ANKS1B: variants seen among roughly 807,000 people sequenced by gnomAD.
The protein encoded by ANKS1B is ankyrin repeat and sterile alpha motif domain containing 1B.
ANKS1B carries 36 observed loss-of-function variants against 148.3 expected under a neutral mutation model. The ratio of observed to expected loss-of-function variants is 0.24; its 90% CI spans 0.19 to 0.32. The LOEUF is 0.32. ANKS1B is among the 10% of genes least tolerant of loss of function. The probability of loss-of-function intolerance (pLI) is 1.00; values close to 1 mark genes in which losing one functional copy is unlikely to be tolerated. For synonymous variants in ANKS1B, 542 were observed against 560.8 expected (o/e 0.97, Z 0.47); for missense variants, 1,157 against 1,542.6 (o/e 0.75, Z 4.19).
intron 17 of ANKS1B, among the ~76,000 whole-genome samples, chr12:98,894,013 C>G (rs2099758141): frequency 6.6e-6 from 1 of 152,218 alleles, no homozygotes; most frequent in Non-Finnish European, 1.5e-5. Flanking sequence ...GAAACACTGA[C>G]CCGACCTTCA....
intron 12 of ANKS1B, among the ~76,000 whole-genome samples, chr12:99,374,644 T>C (rs566088345): frequency 1.3e-5 from 2 of 152,330 alleles, no homozygotes; most frequent in East Asian, 3.9e-4. Context: ...GGTGATGTTT[T>C]AGTAACCAGA....
chr12:99,558,539 G>A (rs1248041914), intron 9 of ANKS1B, among the ~76,000 whole-genome samples: 1 of 152,164 alleles, frequency 6.6e-6, no homozygotes, highest in African/African-American at 2.4e-5. Flanking sequence ...TGAGGTTGTA[G>A]GTGGGTTGGT....
In ANKS1B at chr12:99,120,392, GTTTCT is replaced by G. The variant is rs899210744; in HGVS notation, c.2526+33892_2526+33896del. On this transcript the variant is annotated intron_variant, in intron 15 of 26. Transcript: ENST00000683438. ...ACTACACATGCCATTATTTCAGTAT[GTTTCT>G]TTTCTTGTTTGATCTCATTCATTTG... Among the ~76,000 whole-genome samples, 5 of 152,134 alleles carry G rather than the reference GTTTCT, an allele frequency of 3.3e-5. No homozygotes were observed. In the East Asian group the frequency reaches 9.6e-4, roughly 29 times the overall value.
At chr12:99,846,463 C>G (rs1197368760) in intron 1 of ANKS1B, among the ~76,000 whole-genome samples, 1 of 152,064 alleles carries the variant, frequency 6.6e-6, no homozygotes, top group East Asian at 1.9e-4. Flanking sequence ...ACATAACTTG[C>G]ATCTTTTCCC....
intron 9 of ANKS1B, among the ~76,000 whole-genome samples, chr12:99,525,458 A>T (rs1392512147): frequency 6.6e-6 from 1 of 152,216 alleles, no homozygotes; most frequent in Non-Finnish European, 1.5e-5. Context: ...AGTGGAGATC[A>T]ACCTTTATCA....
At chr12:98,826,778 T>C (rs1341875518) in intron 19 of ANKS1B, among the ~76,000 whole-genome samples, 1 of 152,174 alleles carries the variant, frequency 6.6e-6, no homozygotes, top group Non-Finnish European at 1.5e-5. Flanking sequence ...GGAATGGAGC[T>C]CCAGGTTGGA....
At chr12:98,862,666 T>C (rs963749120) in intron 17 of ANKS1B, among the ~76,000 whole-genome samples, 1 of 152,150 alleles carries the variant, frequency 6.6e-6, no homozygotes, top group Non-Finnish European at 1.5e-5. Flanking sequence ...AATGCATTCA[T>C]ATGAACCAGT....
chr12:99,456,287 A>C (rs1336863371), intron 10 of ANKS1B, among the ~76,000 whole-genome samples: 3 of 152,040 alleles, frequency 2.0e-5, no homozygotes, highest in Admixed American at 2.0e-4. Context: ...TGAGTCCTAG[A>C]TCTTCTCTCT....
At chr12:99,433,403 C>A (rs2095411473) in intron 11 of ANKS1B, among the ~76,000 whole-genome samples, 1 of 152,038 alleles carries the variant, frequency 6.6e-6, no homozygotes, top group Non-Finnish European at 1.5e-5. Context: ...CAAATAAAAG[C>A]AGAACAAGGC....
At chr12:99,013,593 T>G (rs57946926) in intron 17 of ANKS1B, among the ~76,000 whole-genome samples, 2,167 of 152,284 alleles carry the variant, frequency 0.014, 50 homozygotes, top group African/African-American at 0.05. Flanking sequence ...GCAGATGACA[T>G]GACTGTATAT....
intron 12 of ANKS1B, among the ~76,000 whole-genome samples, chr12:99,365,985 T>A (rs2092744141): frequency 6.6e-6 from 1 of 152,220 alleles, no homozygotes; most frequent in East Asian, 1.9e-4. Flanking sequence ...TCAACAGAAG[T>A]AGCCCTTGGA....
At chr12:99,962,174 G>T (rs1026936098) in intron 1 of ANKS1B, among the ~76,000 whole-genome samples, 1 of 151,938 alleles carries the variant, frequency 6.6e-6, no homozygotes, top group African/African-American at 2.4e-5. Context: ...TGCACCTATT[G>T]ACCCGTCCTC....
intron 10 of ANKS1B, among the ~76,000 whole-genome samples, chr12:99,497,060 G>A (rs1194974151): frequency 1.3e-5 from 2 of 152,106 alleles, no homozygotes; most frequent in Admixed American, 6.5e-5. Context: ...AAGGGGAATT[G>A]GTTCCCAGAC....
chr12:99,605,800 G>T (rs1185094933), intron 9 of ANKS1B, among the ~76,000 whole-genome samples: 3 of 152,018 alleles, frequency 2.0e-5, no homozygotes, highest in Non-Finnish European at 4.4e-5. Flanking sequence ...AAGCACAAGT[G>T]TGCAGTTATT....
At chr12:99,353,681 A>G (rs761032193) in intron 12 of ANKS1B, among the ~76,000 whole-genome samples, 40 of 151,938 alleles carry the variant, frequency 2.6e-4, no homozygotes, top group Non-Finnish European at 5.2e-4. Flanking sequence ...GGACCTTCAC[A>G]TTCCTTAAGA....
intron 9 of ANKS1B, among the ~76,000 whole-genome samples, chr12:99,509,320 G>C (rs1596075816): frequency 1.3e-5 from 2 of 151,838 alleles, no homozygotes; most frequent in South Asian, 4.1e-4. Context: ...GGTTAGTGAA[G>C]AAGACATGTC....
intron 25 of ANKS1B, among the ~76,000 whole-genome samples, chr12:98,760,854 T>C (rs994065401): frequency 6.6e-6 from 1 of 152,248 alleles, no homozygotes; most frequent in Non-Finnish European, 1.5e-5. Flanking sequence ...CAATCCGCTC[T>C]TGTAGCTGTG....
intron 15 of ANKS1B, among the ~76,000 whole-genome samples, chr12:99,133,753 TAGA>T (rs1459242718): frequency 6.6e-6 from 1 of 152,190 alleles, no homozygotes; most frequent in Non-Finnish European, 1.5e-5. Context: ...TTTGCAATCT[TAGA>T]AGATGTCAAG....
intron 22 of ANKS1B, chr12:98,794,446 G>A: frequency 1.8e-5 from 4 of 225,224 alleles, no homozygotes; most frequent in East Asian, 7.4e-5. Context: ...AGCTTGGCAA[G>A]CTTGGCGTTT....
Sources: gnomAD v4.1 joint callset for allele counts (sites outside exome capture counted in the v4.1 genomes callset) on GRCh38, gnomAD v4.1.1 for gene constraint, MANE v1.5 for transcripts, NCBI Gene and HGNC (gene_info 2026-07-23, HGNC 2026-07-21) for gene names.